The following SQOR variants were observed in gnomAD, a reference collection of about 807,000 sequenced individuals.
SQOR encodes the protein sulfide:quinone oxidoreductase, mitochondrial.
In SQOR, 39 loss-of-function variants were observed where a neutral mutation model predicts 48.6. The observed-to-expected ratio is 0.80, with a 90% CI of 0.62 to 1.05. The LOEUF (loss-of-function observed/expected upper bound fraction) is 1.05, where lower values mean the gene tolerates loss of function less well. Among genes scored for constraint, SQOR ranks in the 50% least tolerant of loss-of-function variants. SQOR has a pLI of 0.00. For missense variants in SQOR, 561 were observed against 559.9 expected (o/e 1.00, Z -0.02); for synonymous variants, 220 against 206.2 (o/e 1.07, Z -0.57).
chr15:45,651,877 C>CCTT (rs922171295), intron 1 of SQOR, among the ~76,000 whole-genome samples: 33 of 151,892 alleles, frequency 2.2e-4, no homozygotes, highest in East Asian at 1.9e-4. Flanking sequence ...TCCTCCTTCT[C>CCTT]CTTCTTCTTC....
chr15:45,638,053 T>C (rs1013574464), intron 1 of SQOR, among the ~76,000 whole-genome samples: 5 of 152,086 alleles, frequency 3.3e-5, no homozygotes, highest in African/African-American at 1.2e-4. Flanking sequence ...GTAATAATAA[T>C]AAAGAAAAGT....
At chr15:45,644,094 T>TTTTTTTTC (rs1895154726) in intron 1 of SQOR, among the ~76,000 whole-genome samples, 1 of 151,890 alleles carries the variant, frequency 6.6e-6, no homozygotes. Context: ...ATTTTTTTTT[T>TTTTTTTTC]CTCCTTTTTG....
upstream of SQOR, among the ~76,000 whole-genome samples, chr15:45,633,954 C>T (rs1206487677): frequency 2.0e-5 from 3 of 151,014 alleles, no homozygotes; most frequent in East Asian, 4.0e-4. Context: ...GAGGGCAGAT[C>T]GCTTGAGGCC....
At chr15:45,675,485 C>T (rs1027070802) in intron 5 of SQOR, among the ~76,000 whole-genome samples, 1 of 151,850 alleles carries the variant, frequency 6.6e-6, no homozygotes, top group South Asian at 2.1e-4. Flanking sequence ...AACTCCGCTT[C>T]CTGGGTTCAA....
intron 4 of SQOR, among the ~76,000 whole-genome samples, chr15:45,671,789 G>C (rs1350098817): frequency 6.6e-6 from 1 of 152,104 alleles, no homozygotes; most frequent in Non-Finnish European, 1.5e-5. Context: ...AGCTTCACAG[G>C]GTCTCTGCAG....
chr15:45,666,846 CCTCCT>C (rs1395870931), intron 3 of SQOR, among the ~76,000 whole-genome samples: 2 of 22,720 alleles, frequency 8.8e-5, no homozygotes, highest in Non-Finnish European at 2.1e-4. Context: ...CCTCCCCTCC[CCTCCT>C]CTCCTCTCCC....
rs1237471202 is a variant in SQOR at position 45,682,382 on chromosome 15, T to C, written c.865-96T>C. 9 of 1,312,210 alleles carry C rather than the reference T, an allele frequency of 6.9e-6. No individual in the cohort carries two copies. The Admixed American group carries it at 1.3e-4, about 18-fold the overall frequency. The allele number at this position is 1,312,210 out of a possible 1,614,324, so 81.3% of individuals were successfully genotyped here. A position where few individuals can be genotyped will look rare whatever the true frequency, so the allele number is the denominator to read the frequency against. ...GATTGTATAATGCTCCATGCAGCCA[T>C]AGCACAGTGTATAGAGTAAGGAAGG... On this transcript the variant is annotated intron_variant, in intron 6 of 9. Coordinates refer to ENST00000260324, the MANE Select transcript of SQOR (RefSeq NM_021199.4).
intron 1 of SQOR, chr15:45,645,875 G>A (rs1895195145): frequency 6.6e-6 from 1 of 152,188 alleles, no homozygotes; most frequent in Admixed American, 6.5e-5. Context: ...TTTATTGGCT[G>A]TGGGTGCAGG....
intron 4 of SQOR, among the ~76,000 whole-genome samples, chr15:45,671,840 A>G (rs62008303): frequency 0.087 from 13,304 of 152,176 alleles, 665 homozygotes; most frequent in Middle Eastern, 0.16. Context: ...GTGATAGGAT[A>G]GTCCACGGCT....
intron 7 of SQOR, among the ~76,000 whole-genome samples, chr15:45,683,247 A>G (rs990882439): frequency 3.9e-5 from 6 of 152,182 alleles, no homozygotes; most frequent in African/African-American, 1.4e-4. Context: ...CCATACTGGC[A>G]TCCCTGGTAT....
At chr15:45,654,496 G>A (rs2140944883) in intron 1 of SQOR, among the ~76,000 whole-genome samples, 1 of 152,282 alleles carries the variant, frequency 6.6e-6, no homozygotes, top group East Asian at 1.9e-4. Flanking sequence ...ATAGGCTATG[G>A]ATAATTAATG....
rs149682050 is a variant in SQOR at position 45,688,287 on chromosome 15, T to C, written c.1049-50T>C. The C allele has an allele frequency of 6.8e-5, 93 of 1,363,340 alleles. No homozygotes were observed. The African/African-American group carries it at 1.2e-3, about 18-fold the overall frequency. 84.5% of individuals were successfully genotyped at this position (1,363,340 alleles called of 1,614,324 possible). ...AAAGTTATTTGCAAATTAGTTTTCA[T>C]GGAAAACCTTGATGCTTACATTTTT... On this transcript the variant is annotated intron_variant, in intron 7 of 9. Coordinates refer to ENST00000260324, the MANE Select transcript of SQOR (RefSeq NM_021199.4).
At chr15:45,665,198 A>G (rs1192726103) in intron 3 of SQOR, among the ~76,000 whole-genome samples, 2 of 152,172 alleles carry the variant, frequency 1.3e-5, no homozygotes, top group Non-Finnish European at 2.9e-5. Flanking sequence ...GCTGAGTCCT[A>G]CCTATTACTC....
At chr15:45,673,318 G>A (rs976208075) in intron 4 of SQOR, among the ~76,000 whole-genome samples, 4 of 152,144 alleles carry the variant, frequency 2.6e-5, no homozygotes, top group African/African-American at 4.8e-5. Flanking sequence ...GCTGGCTGGC[G>A]TCTTGTCCTC....
intron 2 of SQOR, among the ~76,000 whole-genome samples, chr15:45,660,649 T>C (rs2140948652): frequency 6.6e-6 from 1 of 152,336 alleles, no homozygotes; most frequent in East Asian, 1.9e-4. Context: ...TAGCTGGAGC[T>C]GATGTTCATA....
chr15:45,661,289 T>TAAAAAAAAAAAA (rs777334925), intron 2 of SQOR, among the ~76,000 whole-genome samples: 5 of 84,374 alleles, frequency 5.9e-5, no homozygotes, highest in South Asian at 4.4e-4. Context: ...AGACTCTGTC[T>TAAAAAAAAAAAA]TAAAAAAAAA....
chr15:45,650,589 C>T (rs565484227), intron 1 of SQOR, among the ~76,000 whole-genome samples: 16 of 152,306 alleles, frequency 1.1e-4, no homozygotes, highest in African/African-American at 1.7e-4. Context: ...ACCGCTCGCT[C>T]GGGCAGCCTG....
chr15:45,657,729 C>G (rs141816783), intron 1 of SQOR, among the ~76,000 whole-genome samples: 1 of 152,310 alleles, frequency 6.6e-6, no homozygotes, highest in East Asian at 1.9e-4. Flanking sequence ...CTTGTGCAGG[C>G]TTCCTCTTCT....
At chr15:45,659,962 G>A (rs575632425) in intron 2 of SQOR, among the ~76,000 whole-genome samples, 98 of 152,296 alleles carry the variant, frequency 6.4e-4, no homozygotes, top group African/African-American at 2.2e-3. Flanking sequence ...GAGTTGGGGA[G>A]CAGGAAGGCC....
Sources: gnomAD v4.1 joint callset for allele counts (sites outside exome capture counted in the v4.1 genomes callset) on GRCh38, gnomAD v4.1.1 for gene constraint, MANE v1.5 for transcripts, NCBI Gene and HGNC (gene_info 2026-07-23, HGNC 2026-07-21) for gene names.